The following PGR variants were observed in gnomAD, a reference collection of about 807,000 sequenced individuals.
The protein encoded by PGR is nuclear receptor subfamily 3 group C member 3.
Under a neutral mutation model 76.1 loss-of-function variants are expected in PGR, and 25 were observed. The observed-to-expected ratio is 0.33, with a 90% CI of 0.24 to 0.46. PGR has a LOEUF of 0.46. Among genes scored for constraint, PGR ranks in the 20% least tolerant of loss-of-function variants. The probability of loss-of-function intolerance (pLI) is 1.00; values close to 1 mark genes in which losing one functional copy is unlikely to be tolerated. For missense variants in PGR, 1,172 were observed against 1,225.3 expected, an observed-to-expected ratio of 0.96 and a Z score of 0.65; for synonymous variants, 579 against 535.0, an observed-to-expected ratio of 1.08 and a Z score of -1.14.
At chr11:101,123,270 C>G (rs963050280) in intron 2 of PGR, among the ~76,000 whole-genome samples, 2 of 152,190 alleles carry the variant, frequency 1.3e-5, no homozygotes, top group Non-Finnish European at 2.9e-5. Flanking sequence ...ATAATGCCAT[C>G]ATTTTCATTC....
At chr11:101,061,132 C>A (rs1004867545) in intron 4 of PGR, among the ~76,000 whole-genome samples, 1 of 152,096 alleles carries the variant, frequency 6.6e-6, no homozygotes, top group Non-Finnish European at 1.5e-5. Context: ...CATGTTTAAA[C>A]ACTCATTTTT....
At position 101,049,950 on chromosome 11, in the gene PGR, C is replaced by T; in HGVS notation, c.2467G>A (p.Val823Ile). The change falls in exon 6 of 8, where the codon GTA (valine) becomes ATA (isoleucine). Residue 823 changes from valine (V) to isoleucine (I), a missense_variant. By Grantham distance (29) the Val-to-Ile change is conservative (BLOSUM62 3). Coordinates refer to ENST00000325455, the MANE Select transcript of PGR (RefSeq NM_000926.4). ...TCACTTGTATTAAGAAGTAACAATACTTTCATACAGAGGAACTCTTCTTGG... is the reference window on the plus strand; with the variant it reads ...TCACTTGTATTAAGAAGTAACAATATTTTCATACAGAGGAACTCTTCTTGG... ...VSQEEFLCMK[V>I]LLLLNTIPLE... The T allele has an allele frequency of 6.2e-7, 1 of 1,611,796 alleles. No individual in the cohort carries two copies.
At position 101,034,203 on chromosome 11, in the gene PGR, A is replaced by AACAATAAGGTCAGCATGACAT. The variant is rs1413246656; in HGVS notation, c.*4892_*4912dup. On this transcript the variant is annotated 3_prime_UTR_variant, in exon 8 of 8. Coordinates refer to ENST00000325455, the MANE Select transcript of PGR (RefSeq NM_000926.4). The stretch of plus-strand genomic sequence containing the variant: ...AAAAAAAGCAAACAAACCTGTGTTT[A>AACAATAAGGTCAGCATGACAT]ACAATAAGGTCAGCATGACATACAG... 2.2e-5 allele frequency: 5 copies of AACAATAAGGTCAGCATGACAT among 222,406 alleles called. No individual in the cohort carries two copies. The highest frequency in any genetic ancestry group is 1.1e-4 in the African/African-American group (5 of 44,790). 13.8% of individuals were successfully genotyped at this position (222,406 alleles called of 1,614,324 possible).
At chr11:101,085,207 C>T (rs1295212678) in intron 3 of PGR, among the ~76,000 whole-genome samples, 3 of 152,064 alleles carry the variant, frequency 2.0e-5, no homozygotes, top group Non-Finnish European at 4.4e-5. Flanking sequence ...AGACTCAGTA[C>T]ATTTTAAAAA....
intron 7 of PGR, among the ~76,000 whole-genome samples, chr11:101,040,823 C>T (rs1281076950): frequency 6.6e-6 from 1 of 152,024 alleles, no homozygotes; most frequent in African/African-American, 2.4e-5. Flanking sequence ...ACACAAATTT[C>T]TCTCCTTGAT....
Position 101,129,007 on chromosome 11 carries a change from CG to C in PGR, c.63del (p.Glu22ArgfsTer144), listed in dbSNP as rs985875054. 1.9e-6 allele frequency: 3 copies of C among 1,570,402 alleles called. No homozygotes were observed. Among genetic ancestry groups the C allele is most frequent in the Middle Eastern group, 1.7e-4 (1 of 5,842 alleles). On this transcript the variant is annotated frameshift_variant, in exon 1 of 8. Transcript: ENST00000325455. LOFTEE classifies it high-confidence loss of function. ...APHVAGGPPS[P>X]EVGSPLLCRP... ...CGACACAGCAGTGGGGATCCGACCT[CG>C]GGGGAGGGCGGGCCGCCCGCCACGT...
chr11:101,097,506 G>A (rs1375449148), intron 2 of PGR, among the ~76,000 whole-genome samples: 1 of 152,108 alleles, frequency 6.6e-6, no homozygotes, highest in Non-Finnish European at 1.5e-5. Flanking sequence ...TAACTCTTGT[G>A]TAAAATACAG....
Position 101,115,827 on chromosome 11 carries a change from T to G in PGR, c.1789+10180A>C, listed in dbSNP as rs538628768. Among the ~76,000 whole-genome samples, 3 of 152,202 alleles carry G rather than the reference T, an allele frequency of 2.0e-5. No individual in the cohort carries two copies. The East Asian group carries it at 5.8e-4, about 29-fold the overall frequency. On this transcript the variant is annotated intron_variant, in intron 2 of 7. Coordinates refer to ENST00000325455, the MANE Select transcript of PGR (RefSeq NM_000926.4). ...TGTTTATAAAAATTTTCAGGGCTGC[T>G]ACATTGCAAAAAGCCAGCAGGCACC...
chr11:101,056,134 G>A (rs1199926256), intron 4 of PGR, among the ~76,000 whole-genome samples: 1 of 151,840 alleles, frequency 6.6e-6, no homozygotes, highest in Non-Finnish European at 1.5e-5. Flanking sequence ...TCCCAGTGAT[G>A]ATAATGATCA....
rs1204707024 is a variant in PGR at position 101,036,603 on chromosome 11, T to C, written c.*2513A>G. 2 of 196,186 alleles carry C rather than the reference T, an allele frequency of 1.0e-5. No individual in the cohort carries two copies. The highest frequency in any genetic ancestry group is 2.1e-5 in the Non-Finnish European group (2 of 94,548). The allele number at this position is 196,186 out of a possible 1,614,324, so 12.2% of individuals were successfully genotyped here. A position where few individuals can be genotyped will look rare whatever the true frequency, so the allele number is the denominator to read the frequency against. ...TAGAGAAAAAGATTTAGAAATTAGG[T>C]ATTTTCCATTTGGTGAAGCCATATT... On this transcript the variant is annotated 3_prime_UTR_variant, in exon 8 of 8. Transcript: ENST00000325455.
chr11:101,106,647 G>A (rs545700074), intron 2 of PGR, among the ~76,000 whole-genome samples: 36 of 152,318 alleles, frequency 2.4e-4, no homozygotes, highest in African/African-American at 6.7e-4. Flanking sequence ...CATTGTGGAA[G>A]ACAGTGCAGC....
intron 2 of PGR, among the ~76,000 whole-genome samples, chr11:101,111,631 A>C (rs1191086271): frequency 1.3e-5 from 2 of 152,184 alleles, no homozygotes; most frequent in Non-Finnish European, 2.9e-5. Context: ...GAGGTGCAGA[A>C]ATCATCTCAA....
chr11:101,073,517 T>TAA (rs956064491), intron 3 of PGR, among the ~76,000 whole-genome samples: 2 of 143,860 alleles, frequency 1.4e-5, no homozygotes, highest in African/African-American at 5.1e-5. Flanking sequence ...GAAAAACCCT[T>TAA]AAAAAAAAAA....
At chr11:101,047,590 T>A (rs2135388574) in intron 6 of PGR, among the ~76,000 whole-genome samples, 1 of 152,264 alleles carries the variant, frequency 6.6e-6, no homozygotes, top group Non-Finnish European at 1.5e-5. Context: ...CCTCCTGATC[T>A]GCACCCCCTA....
chr11:101,089,365 A>G (rs1174608241), intron 3 of PGR, among the ~76,000 whole-genome samples: 1 of 152,198 alleles, frequency 6.6e-6, no homozygotes, highest in Non-Finnish European at 1.5e-5. Context: ...GGCATATCAA[A>G]TCCATTATTT....
intron 4 of PGR, among the ~76,000 whole-genome samples, chr11:101,061,258 T>C (rs1860486801): frequency 6.6e-6 from 1 of 152,286 alleles, no homozygotes; most frequent in East Asian, 1.9e-4. Context: ...AAAATTATTG[T>C]CTGTTTAAGG....
intron 2 of PGR, among the ~76,000 whole-genome samples, chr11:101,092,718 T>TA (rs1426005440): frequency 6.6e-6 from 1 of 152,118 alleles, no homozygotes; most frequent in East Asian, 1.9e-4. Context: ...TTAACAAAAA[T>TA]AAAAAAATTC....
At chr11:101,069,521 A>G (rs1427534414) in intron 3 of PGR, among the ~76,000 whole-genome samples, 1 of 150,312 alleles carries the variant, frequency 6.7e-6, no homozygotes, top group East Asian at 2.3e-4. Flanking sequence ...TATATACCCA[A>G]AGGATTATAA....
At position 101,128,356 on chromosome 11, in the gene PGR, C is replaced by T. The variant is rs1299240489; in HGVS notation, c.715G>A (p.Gly239Ser). 1.2e-6 allele frequency: 2 copies of T among 1,604,654 alleles called. No homozygotes were observed. Among genetic ancestry groups the T allele is most frequent in the Non-Finnish European group, 1.7e-6 (2 of 1,179,316 alleles). The change falls in exon 1 of 8, where the codon GGC (glycine) becomes AGC (serine). Residue 239 changes from glycine to serine, a missense_variant. Physicochemically the swap from Gly to Ser is moderately conservative, Grantham distance 56 (BLOSUM62 0). Around this residue, in one of 4 missense-constraint regions of PGR, gnomAD observed 893 missense variants for 785.9 expected, o/e 1.14. Coordinates refer to ENST00000325455, the MANE Select transcript of PGR (RefSeq NM_000926.4). ...GCGCCACCCAGAGCCCGAGGTTTGCCCTTCAGAAGCGGACCCGCAGACTCC... is the reference window on the plus strand; with the variant it reads ...GCGCCACCCAGAGCCCGAGGTTTGCTCTTCAGAAGCGGACCCGCAGACTCC... ...SEESAGPLLK[G>S]KPRALGGAAA...
Sources: allele counts gnomAD v4.1 joint callset (sites outside exome capture counted in the v4.1 genomes callset), GRCh38; gene constraint gnomAD v4.1.1; regional missense constraint gnomAD v4.1.1; transcripts MANE v1.5; gene names NCBI Gene and HGNC (gene_info 2026-07-23, HGNC 2026-07-21).